The following FANCM variants were observed in gnomAD, a reference collection of about 807,000 sequenced individuals.
FANCM encodes the protein FA complementation group M, also known as Fanconi anemia group M protein.
Under a neutral mutation model 199.5 loss-of-function variants are expected in FANCM, and 140 were observed. The ratio of observed to expected loss-of-function variants is 0.70; its 90% CI spans 0.61 to 0.81. The LOEUF (loss-of-function observed/expected upper bound fraction) is 0.81, where lower values mean the gene tolerates loss of function less well. Ranked by LOEUF, FANCM falls within the 30% of genes least tolerant of loss-of-function variation. FANCM has a pLI of 0.00. For missense variants in FANCM, 2,410 were observed against 2,421.4 expected (o/e 1.00, Z 0.10); for synonymous variants, 840 against 836.8 (o/e 1.00, Z -0.07).
Position 45,167,035 on chromosome 14 carries a change from G to A in FANCM, c.1874G>A (p.Ser625Asn), listed in dbSNP as rs2139214597. 2 of 1,611,906 alleles carry A rather than the reference G, an allele frequency of 1.2e-6. No individual in the cohort carries two copies. Among genetic ancestry groups the A allele is most frequent in the Non-Finnish European group, 8.5e-7 (1 of 1,178,052 alleles). ...NRQVLHFYQRSPRMVPDGINP... is the reference protein window; with the variant it reads ...NRQVLHFYQRNPRMVPDGINP... ...CAGGTCCTTCATTTTTACCAAAGAA[G>A]TCCACGAATGGTTCCTGATGGAATC... is the stretch of plus-strand genomic sequence containing the variant. Residue 625 changes from serine (S) to asparagine (N), a missense_variant, in exon 11 of 23, where the codon AGT becomes AAT. Coordinates refer to ENST00000267430, the MANE Select transcript of FANCM (RefSeq NM_020937.4).
At chr14:45,141,275 G>A (rs1381240323) in intron 3 of FANCM, among the ~76,000 whole-genome samples, 27 of 132,036 alleles carry the variant, frequency 2.0e-4, no homozygotes, top group African/African-American at 5.7e-4. Flanking sequence ...GCGACAGAGC[G>A]AGGCTCCGTC....
In FANCM at chr14:45,181,467, C is replaced by T. The variant is rs113819179; in HGVS notation, c.4260C>T (p.Asp1420=). 880 of 1,606,088 alleles carry T rather than the reference C, an allele frequency of 5.5e-4. 12 individuals carry two copies. In the African/African-American group the frequency reaches 9.2e-3, roughly 17 times the overall value. ...TAACAAGTAACGAAAGTGAAGATGA[C>T]GAGATTTTCCGAAGAAAAGTTAAAA... ...QLLTSNESED[D]EIFRRKVKRA... Residue 1420 remains aspartate (D), a synonymous_variant, in exon 15 of 23, where the codon GAC becomes GAT. Transcript: ENST00000267430.
chr14:45,154,822 G>T lies in FANCM; in HGVS notation c.1309G>T (p.Gly437Ter). ...AAATGGTATTTCTGCTATCCAACAA[G>T]GTCTGGTTTTTCTTTTAAAATTATG... is the stretch of plus-strand genomic sequence containing the variant. ...SANGISAIQQ[G>*]DKNKKFVYSH... The change falls in exon 7 of 23, where the codon GGA becomes TGA. Residue 437 changes from glycine (G) to a stop codon, truncating the protein, a stop_gained and splice_region_variant. Coordinates refer to ENST00000267430, the MANE Select transcript of FANCM (RefSeq NM_020937.4). LOFTEE classifies it high-confidence loss of function. 6.2e-7 allele frequency: 1 copy of T among 1,607,016 alleles called. No individual in the cohort carries two copies.
At chr14:45,138,183 C>T (rs73340655) in intron 2 of FANCM, among the ~76,000 whole-genome samples, 15,404 of 151,806 alleles carry the variant, frequency 0.1, 1,037 homozygotes, top group African/African-American at 0.19. Flanking sequence ...GATAGAGATA[C>T]AGATTTGGAA....
intron 10 of FANCM, among the ~76,000 whole-genome samples, chr14:45,165,113 A>G (rs1887874892): frequency 6.6e-6 from 1 of 152,248 alleles, no homozygotes; most frequent in Non-Finnish European, 1.5e-5. Context: ...ATCTTGAGTG[A>G]CAGGCCTTTC....
At position 45,140,711 on chromosome 14, in the gene FANCM, TA is replaced by T; in HGVS notation, c.759+4del. The T allele has an allele frequency of 6.4e-7, 1 of 1,563,262 alleles. No homozygotes were observed. Among genetic ancestry groups the T allele is most frequent in the Non-Finnish European group, 8.8e-7 (1 of 1,134,784 alleles). ...GCCACACCAGGTAGTGATATAAAGG[TA>T]AGTAAAATGTTTTTCCATTTATTAC... On this transcript the variant is annotated splice_donor_region_variant and intron_variant, in intron 3 of 22. Coordinates refer to ENST00000267430, the MANE Select transcript of FANCM (RefSeq NM_020937.4).
Position 45,148,442 on chromosome 14 carries a change from A to G in FANCM, c.760-395A>G, listed in dbSNP as rs1379102106. The stretch of plus-strand genomic sequence containing the variant: ...TCCTGGAAATATATTCACATCATAT[A>G]TGTTGATTTAAATGGAAAATATTCT... On this transcript the variant is annotated intron_variant, in intron 3 of 22. Transcript: ENST00000267430. 4.6e-5 allele frequency among the ~76,000 whole-genome samples: 7 copies of G among 152,140 alleles called. No individual in the cohort carries two copies. The East Asian group carries it at 5.8e-4, about 13-fold the overall frequency.
intron 3 of FANCM, among the ~76,000 whole-genome samples, chr14:45,143,406 C>G (rs564388492): frequency 6.6e-6 from 1 of 152,130 alleles, no homozygotes; most frequent in South Asian, 2.1e-4. Context: ...GTCTCAAACT[C>G]CTGGGCTCAA....
Position 45,176,552 on chromosome 14 carries a change from T to A in FANCM, c.3798T>A (p.Ile1266=). ...ATCTATATGGAAGGTATTTGGAAAT[T>A]AAGGAGATAAGTGATGCAAATTATG... ...LDDLYGRYLE[I]KEISDANYVS... is the part of the protein sequence containing the mutation. Residue 1266 remains isoleucine, a synonymous_variant, in exon 14 of 23, where the codon ATT becomes ATA. Transcript: ENST00000267430. 1 of 1,600,842 alleles carries A rather than the reference T, an allele frequency of 6.2e-7. No homozygotes were observed. Among genetic ancestry groups the A allele is most frequent in the Middle Eastern group, 1.7e-4 (1 of 5,960 alleles).
At chr14:45,148,695 ATCT>A in intron 3 of FANCM, 139 bp from the exon 4 acceptor site, 1 of 628,744 alleles carries the variant, frequency 1.6e-6, no homozygotes. Flanking sequence ...TTATAGGCTT[ATCT>A]TCTTTCTTTT....
intron 3 of FANCM, among the ~76,000 whole-genome samples, chr14:45,147,574 C>T (rs1407481626): frequency 6.6e-6 from 1 of 152,072 alleles, no homozygotes; most frequent in Non-Finnish European, 1.5e-5. Context: ...TAGGCGTGAG[C>T]TGCTGCCCGG....
chr14:45,168,757 T>C (rs1888143556), intron 11 of FANCM, among the ~76,000 whole-genome samples: 1 of 148,070 alleles, frequency 6.8e-6, no homozygotes, highest in South Asian at 2.1e-4. Flanking sequence ...GCTAACTATA[T>C]ACTAGTGTTT....
chr14:45,148,586 A>G (rs189929549), intron 3 of FANCM, among the ~76,000 whole-genome samples: 15 of 152,316 alleles, frequency 9.8e-5, no homozygotes, highest in Admixed American at 9.8e-4. Flanking sequence ...ACATTTACAA[A>G]TATTCTTATT....
chr14:45,179,397 G>A (rs1888917917), intron 14 of FANCM, among the ~76,000 whole-genome samples: 1 of 151,744 alleles, frequency 6.6e-6, no homozygotes, highest in South Asian at 2.1e-4. Flanking sequence ...ATCATTGTTC[G>A]CCATCAGGAG....
At chr14:45,143,559 C>A (rs1034668553) in intron 3 of FANCM, among the ~76,000 whole-genome samples, 12 of 151,986 alleles carry the variant, frequency 7.9e-5, no homozygotes, top group Admixed American at 6.6e-4. Context: ...TCGGCCCAGC[C>A]ATGGAATCAA....
intron 3 of FANCM, among the ~76,000 whole-genome samples, chr14:45,147,973 G>A (rs1163171616): frequency 1.3e-5 from 2 of 151,892 alleles, no homozygotes; most frequent in East Asian, 3.9e-4. Context: ...CAAGGTGGGC[G>A]AATCATGAGG....
rs1376639423 is a variant in FANCM at position 45,176,291 on chromosome 14, T to C, written c.3537T>C (p.Ser1179=). Residue 1179 remains serine (S), a synonymous_variant, in exon 14 of 23, where the codon TCT becomes TCC. Coordinates refer to ENST00000267430, the MANE Select transcript of FANCM (RefSeq NM_020937.4). ...CTCTGGTCTCTCAGTTCTTAATTTC[T>C]GATGAACTTTTGTTGGACAATAATT... ...ETPLVSQFLI[S]DELLLDNNSE... is the part of the protein sequence containing the mutation. 1 of 1,613,992 alleles carries C rather than the reference T, an allele frequency of 6.2e-7. No homozygotes were observed. The highest frequency in any genetic ancestry group is 8.5e-7 in the Non-Finnish European group (1 of 1,179,980).
chr14:45,146,239 T>TG (rs1449745209), intron 3 of FANCM, among the ~76,000 whole-genome samples: 29 of 14,346 alleles, frequency 2.0e-3, no homozygotes, highest in South Asian at 0.013. Flanking sequence ...AGACTCCGTC[T>TG]GAAAAAAAAA....
At chr14:45,166,375 G>GGGCCTCCC (rs1887977517) in intron 10 of FANCM, among the ~76,000 whole-genome samples, 1 of 151,964 alleles carries the variant, frequency 6.6e-6, no homozygotes, top group Admixed American at 6.6e-5. Context: ...CGGACCTCGT[G>GGGCCTCCC]ATCTGCCCGC....
Sources: gnomAD v4.1 joint callset for allele counts (sites outside exome capture counted in the v4.1 genomes callset) on GRCh38, gnomAD v4.1.1 for gene constraint, MANE v1.5 for transcripts, NCBI Gene and HGNC (gene_info 2026-07-23, HGNC 2026-07-21) for gene names.